Variants in DMD observed in about 807,000 individuals in gnomAD.
DMD encodes dystrophin, also known as mutant dystrophin.
DMD carries 63 observed loss-of-function variants against 330.1 expected under a neutral mutation model. The ratio of observed to expected loss-of-function variants is 0.19; its 90% CI spans 0.16 to 0.24. The LOEUF (loss-of-function observed/expected upper bound fraction) is 0.24, where lower values mean the gene tolerates loss of function less well. Ranked by LOEUF, DMD falls within the 10% of genes least tolerant of loss-of-function variation. The pLI is 1.00. For missense variants in DMD, 3,344 were observed against 2,684.1 expected, an observed-to-expected ratio of 1.25 and a Z score of -5.43; for synonymous variants, 1,223 against 959.8, an observed-to-expected ratio of 1.27 and a Z score of -5.07.
At chrX:32,240,677 G>A (rs777190349) in intron 43 of DMD, among the ~76,000 whole-genome samples, 44 of 111,686 alleles carry the variant, frequency 3.9e-4, no homozygotes, top group African/African-American at 1.4e-3. Flanking sequence ...GGGACTGCTG[G>A]TCTCACCATT....
chrX:32,560,619 G>T (rs772257953), intron 16 of DMD, among the ~76,000 whole-genome samples: 2 of 110,843 alleles, frequency 1.8e-5, no homozygotes, highest in Non-Finnish European at 1.9e-5. Flanking sequence ...GCCCCAGTGT[G>T]TGTTGTTCTC....
chrX:32,205,041 A>ACC (rs1557210687), intron 44 of DMD, among the ~76,000 whole-genome samples: 39 of 73,602 alleles, frequency 5.3e-4, no homozygotes, highest in Non-Finnish European at 1.0e-3. Flanking sequence ...ACACACACAC[A>ACC]CCCACACACA....
chrX:33,104,636 C>G (rs747232260), intron 1 of DMD, among the ~76,000 whole-genome samples: 1 of 111,255 alleles, frequency 9.0e-6, no homozygotes, highest in Admixed American at 9.6e-5. Flanking sequence ...CCCACCTGCA[C>G]CCAGGTGAAA....
chrX:33,276,906 G>A (rs756744266), intron 1 of DMD, among the ~76,000 whole-genome samples: 79 of 111,791 alleles, frequency 7.1e-4, no homozygotes, highest in African/African-American at 2.4e-3. Context: ...GCAAAACTGC[G>A]GTATAATATC....
intron 48 of DMD, among the ~76,000 whole-genome samples, chrX:31,857,393 A>G (rs1331327252): frequency 1.2e-4 from 13 of 105,109 alleles, no homozygotes; most frequent in African/African-American, 4.5e-4. Flanking sequence ...AAAAAAAAAA[A>G]AAAAAAAAAA....
At chrX:32,310,347 A>T in intron 41 of DMD, 71 bp from the exon 42 acceptor site, 1 of 861,699 alleles carries the variant, frequency 1.2e-6, no homozygotes, top group Non-Finnish European at 1.7e-6. Flanking sequence ...TTAAGTTTAT[A>T]TAGGTCTCAT....
At chrX:33,059,613 C>T (rs1043547195) in intron 1 of DMD, among the ~76,000 whole-genome samples, 1 of 111,544 alleles carries the variant, frequency 9.0e-6, no homozygotes, top group African/African-American at 3.3e-5. Context: ...AACAACCTAC[C>T]TTGCAGTACT....
intron 18 of DMD, among the ~76,000 whole-genome samples, chrX:32,508,523 G>A (rs1273032942): frequency 8.9e-6 from 1 of 111,792 alleles, no homozygotes; most frequent in East Asian, 2.8e-4. Context: ...TGTCTCTACT[G>A]CTTACTATCT....
chrX:31,299,802 T>TG (rs950378087), intron 62 of DMD, among the ~76,000 whole-genome samples: 4 of 83,395 alleles, frequency 4.8e-5, no homozygotes, highest in African/African-American at 1.8e-4. Flanking sequence ...AAAAAAAGGA[T>TG]GGGGGGGATG....
chrX:32,049,577 C>T (rs1200987701), intron 44 of DMD, among the ~76,000 whole-genome samples: 2 of 111,424 alleles, frequency 1.8e-5, no homozygotes, highest in African/African-American at 3.3e-5. Flanking sequence ...CCTCCACAAA[C>T]GCACCATTAA....
At chrX:32,985,326 A>C (rs1423014160) in intron 2 of DMD, among the ~76,000 whole-genome samples, 1 of 112,288 alleles carries the variant, frequency 8.9e-6, no homozygotes, top group Non-Finnish European at 1.9e-5. Flanking sequence ...ATGCAAGATA[A>C]TATTTTCTAA....
intron 16 of DMD, among the ~76,000 whole-genome samples, chrX:32,549,890 A>G (rs912339823): frequency 8.9e-6 from 1 of 112,504 alleles, no homozygotes; most frequent in Non-Finnish European, 1.9e-5. Flanking sequence ...AGCAAATTTA[A>G]AGAATACAAA....
intron 1 of DMD, among the ~76,000 whole-genome samples, chrX:33,145,805 A>T (rs1303566520): frequency 9.1e-6 from 1 of 110,407 alleles, no homozygotes; most frequent in Non-Finnish European, 1.9e-5. Flanking sequence ...CACACCACAA[A>T]ATTCACTCTT....
chrX:31,768,298 C>A (rs986981538), intron 51 of DMD, among the ~76,000 whole-genome samples: 1 of 111,207 alleles, frequency 9.0e-6, no homozygotes, highest in Admixed American at 9.6e-5. Context: ...AACCTCTCTT[C>A]ATATTTCCCC....
intron 12 of DMD, among the ~76,000 whole-genome samples, chrX:32,611,665 T>TAG (rs1302657256): frequency 9.0e-6 from 1 of 111,520 alleles, no homozygotes; most frequent in Non-Finnish European, 1.9e-5. Context: ...ATAGCTGCCC[T>TAG]AGGTTATCCG....
chrX:33,015,392 C>T (rs2093781923), intron 2 of DMD, among the ~76,000 whole-genome samples: 1 of 110,932 alleles, frequency 9.0e-6, no homozygotes, highest in Admixed American at 9.7e-5. Flanking sequence ...GGCCATTATC[C>T]TTAGCAAAAT....
At chrX:32,989,920 T>C (rs903327427) in intron 2 of DMD, among the ~76,000 whole-genome samples, 3 of 112,026 alleles carry the variant, frequency 2.7e-5, no homozygotes, top group Non-Finnish European at 5.6e-5. Context: ...CTATTATTAA[T>C]AGTTGTCTAA....
At chrX:32,089,904 C>T (rs1381857238) in intron 44 of DMD, among the ~76,000 whole-genome samples, 2 of 111,591 alleles carry the variant, frequency 1.8e-5, no homozygotes, top group Non-Finnish European at 1.9e-5. Context: ...ACGTTCCCAC[C>T]AGCAGTGTGT....
chrX:32,265,179 C>A (rs1238046174), intron 43 of DMD, among the ~76,000 whole-genome samples: 2 of 111,821 alleles, frequency 1.8e-5, no homozygotes, highest in African/African-American at 6.5e-5. Context: ...CCAGAGCCCC[C>A]CTGCTATGTG....
Sources: gnomAD v4.1 joint callset for allele counts (sites outside exome capture counted in the v4.1 genomes callset) on GRCh38, gnomAD v4.1.1 for gene constraint, MANE v1.5 for transcripts, NCBI Gene and HGNC (gene_info 2026-07-23, HGNC 2026-07-21) for gene names.